The following MRPS6 variants were observed in gnomAD, a reference collection of about 807,000 sequenced individuals.
The protein encoded by MRPS6 is small ribosomal subunit protein bS6m.
In MRPS6, 6 loss-of-function variants were observed where a neutral mutation model predicts 13.1. That is an observed-to-expected ratio of 0.46 (90% CI 0.25 to 0.91). The LOEUF (loss-of-function observed/expected upper bound fraction) is 0.91, where lower values mean the gene tolerates loss of function less well. Among genes scored for constraint, MRPS6 ranks in the 40% least tolerant of loss-of-function variants. The pLI is 0.18. For missense variants in MRPS6, 164 were observed against 155.6 expected (o/e 1.05, Z -0.29); for synonymous variants, 61 against 56.5 (o/e 1.08, Z -0.36).
intron 1 of MRPS6, among the ~76,000 whole-genome samples, chr21:34,080,733 T>G (rs754229948): frequency 6.6e-6 from 1 of 152,258 alleles, no homozygotes; most frequent in African/African-American, 2.4e-5. Context: ...TCTTGAGAGC[T>G]GAGTCTTTCA....
At chr21:34,095,906 A>G (rs1978945768) in intron 1 of MRPS6, 2 of 1,613,960 alleles carry the variant, frequency 1.2e-6, no homozygotes, top group Non-Finnish European at 1.7e-6. Context: ...TTTCCAACAC[A>G]AATTCTTGTA....
At chr21:34,116,318 GTTTT>G (rs543766044) in intron 1 of MRPS6, among the ~76,000 whole-genome samples, 1 of 129,214 alleles carries the variant, frequency 7.7e-6, no homozygotes, top group Non-Finnish European at 1.7e-5. Flanking sequence ...AATCATCCAT[GTTTT>G]TTTTTTTTTT....
intron 1 of MRPS6, among the ~76,000 whole-genome samples, chr21:34,088,226 A>G (rs927456333): frequency 1.7e-5 from 1 of 57,808 alleles, no homozygotes; most frequent in Non-Finnish European, 3.2e-5. Context: ...TGACTGGGTC[A>G]AGTATAGAAT....
At position 34,094,263 on chromosome 21, in the gene MRPS6, A is replaced by G. The variant is rs79949701; in HGVS notation, c.45+20518A>G. Among the ~76,000 whole-genome samples the G allele has an allele frequency of 9.3e-3, 1,423 of 152,268 alleles. 29 individuals are homozygous for G. The highest frequency in any genetic ancestry group is 0.033 in the African/African-American group (1,355 of 41,542). On this transcript the variant is annotated intron_variant, in intron 1 of 2. Transcript: ENST00000399312. ...CGTCTCACAAGATCTAGGTTACTGTATGACAACTATATCCATTTACTGGAG... is the reference window on the plus strand; with the variant it reads ...CGTCTCACAAGATCTAGGTTACTGTGTGACAACTATATCCATTTACTGGAG...
intron 1 of MRPS6, chr21:34,099,528 T>A: frequency 1.0e-6 from 1 of 999,476 alleles, no homozygotes; most frequent in Non-Finnish European, 1.2e-6. Flanking sequence ...ACTGTGTAAT[T>A]CACTGATAAT....
Position 34,137,782 on chromosome 21 carries a change from A to AT in MRPS6, c.186-4613dup, listed in dbSNP as rs3989178. On this transcript the variant is annotated intron_variant, in intron 2 of 2. Coordinates refer to ENST00000399312, the MANE Select transcript of MRPS6 (RefSeq NM_032476.4). ...TCACTTCTATCCCTAGTTTGCTGAG[A>AT]TTTTTTTTTTTTTAATCAGGAATGG... 1.2e-3 allele frequency among the ~76,000 whole-genome samples: 170 copies of AT among 145,210 alleles called. 1 individual carries two copies. Among genetic ancestry groups the AT allele is most frequent in the Middle Eastern group, 3.5e-3 (1 of 282 alleles).
At position 34,142,534 on chromosome 21, in the gene MRPS6, A is replaced by G. The variant is rs1980941258; in HGVS notation, c.312A>G (p.Glu104=). The G allele has an allele frequency of 6.2e-7, 1 of 1,613,616 alleles. No homozygotes were observed. The highest frequency in any genetic ancestry group is 8.5e-7 in the Non-Finnish European group (1 of 1,179,846). The change falls in exon 3 of 3, where the codon GAA becomes GAG. Residue 104 remains glutamate, a synonymous_variant. Coordinates refer to ENST00000399312, the MANE Select transcript of MRPS6 (RefSeq NM_032476.4). ...VKHPLTQELK[E]CEGIVPVPLA... ...ACCCTCTGACCCAGGAACTAAAAGA[A>G]TGTGAAGGGATTGTCCCAGTCCCAC...
At chr21:34,088,020 T>C (rs1189601756) in intron 1 of MRPS6, among the ~76,000 whole-genome samples, 1 of 152,150 alleles carries the variant, frequency 6.6e-6, no homozygotes, top group Non-Finnish European at 1.5e-5. Context: ...TAGAACACAT[T>C]TTTTGGGCAA....
At chr21:34,116,721 GTTT>G (rs558336235) in intron 1 of MRPS6, among the ~76,000 whole-genome samples, 2 of 152,102 alleles carry the variant, frequency 1.3e-5, no homozygotes, top group Non-Finnish European at 2.9e-5. Flanking sequence ...GAGCTGCTTG[GTTT>G]TATTCAGTGC....
chr21:34,076,012 T>C (rs927293144), intron 1 of MRPS6, among the ~76,000 whole-genome samples: 6 of 152,240 alleles, frequency 3.9e-5, no homozygotes, highest in Non-Finnish European at 8.8e-5. Context: ...AAGTTGCGTA[T>C]CTTCCACGTT....
rs1427670040 is a variant in MRPS6 at position 34,096,595 on chromosome 21, A to G, written c.45+22850A>G. The G allele has an allele frequency of 3.7e-6, 6 of 1,614,002 alleles. No homozygotes were observed. Among genetic ancestry groups the G allele is most frequent in the South Asian group, 1.1e-5 (1 of 91,088 alleles). ...CTGGCAATTTTCTGGAAGCGCTGCAATGAACAAGGGGCTTTCTATGGTGGA... is the reference window on the plus strand; with the variant it reads ...CTGGCAATTTTCTGGAAGCGCTGCAGTGAACAAGGGGCTTTCTATGGTGGA... On this transcript the variant is annotated intron_variant, in intron 1 of 2. Transcript: ENST00000399312. The surrounding 1 kb of genome is among the most constrained non-coding windows in gnomAD (Gnocchi z 5.9).
chr21:34,109,739 C>G (rs1293655351), intron 1 of MRPS6, among the ~76,000 whole-genome samples: 1 of 152,036 alleles, frequency 6.6e-6, no homozygotes, highest in Non-Finnish European at 1.5e-5. Flanking sequence ...TGATTTTCTG[C>G]TTCTACTTCC....
intron 1 of MRPS6, chr21:34,123,972 G>C (rs16991254): frequency 0.089 from 13,618 of 152,164 alleles, 750 homozygotes; most frequent in Middle Eastern, 0.16. Context: ...CTGACTTTGA[G>C]TCCTCTTGTT....
intron 1 of MRPS6, among the ~76,000 whole-genome samples, chr21:34,079,428 T>C (rs1213718531): frequency 6.6e-6 from 1 of 151,584 alleles, no homozygotes; most frequent in Non-Finnish European, 1.5e-5. Flanking sequence ...CCTTGATTTC[T>C]CCCTTCTTCT....
At chr21:34,127,016 C>G (rs1406931123) in intron 2 of MRPS6, among the ~76,000 whole-genome samples, 1 of 152,162 alleles carries the variant, frequency 6.6e-6, no homozygotes, top group African/African-American at 2.4e-5. Flanking sequence ...CCTGGAGGAG[C>G]CCACTGGGAC....
chr21:34,135,455 A>G, intron 2 of MRPS6: 1 of 485,228 alleles, frequency 2.1e-6, no homozygotes. Context: ...TTGGCCACAC[A>G]TGCCAGCTCA....
At chr21:34,137,305 G>A (rs765391522) in intron 2 of MRPS6, among the ~76,000 whole-genome samples, 4 of 152,072 alleles carry the variant, frequency 2.6e-5, no homozygotes, top group African/African-American at 9.7e-5. Flanking sequence ...CTTCTTACCC[G>A]TGAACAAGAT....
At chr21:34,100,798 CT>C in intron 1 of MRPS6, 2 of 1,000,240 alleles carry the variant, frequency 2.0e-6, no homozygotes, top group Non-Finnish European at 2.4e-6. Flanking sequence ...GGATCTTCCC[CT>C]CTGACTTTGA....
chr21:34,084,449 A>G (rs986601274), intron 1 of MRPS6, among the ~76,000 whole-genome samples: 11 of 152,184 alleles, frequency 7.2e-5, no homozygotes, highest in Non-Finnish European at 1.6e-4. Context: ...TAAACCTCAT[A>G]GTTGCTAGCC....
Sources: gnomAD v4.1 joint callset for allele counts (sites outside exome capture counted in the v4.1 genomes callset) on GRCh38, gnomAD v4.1.1 for gene constraint, Gnocchi (gnomAD v3.1) non-coding constraint, MANE v1.5 for transcripts, NCBI Gene and HGNC (gene_info 2026-07-23, HGNC 2026-07-21) for gene names.